Variants in PTPRG observed in about 807,000 individuals in gnomAD.
PTPRG encodes protein tyrosine phosphatase receptor type G.
A neutral mutation model predicts 165.3 loss-of-function variants in PTPRG; 102 were observed. The ratio of observed to expected loss-of-function variants is 0.62; its 90% CI spans 0.53 to 0.73. The LOEUF is 0.73. PTPRG is among the 30% of genes least tolerant of loss of function. PTPRG has a pLI of 0.00. For missense variants in PTPRG, 1,866 were observed against 1,861.4 expected (o/e 1.00, Z -0.05); for synonymous variants, 675 against 669.5 (o/e 1.01, Z -0.13).
chr3:62,275,083 C>G (rs1702189107), intron 23 of PTPRG, among the ~76,000 whole-genome samples: 1 of 152,116 alleles, frequency 6.6e-6, no homozygotes, highest in African/African-American at 2.4e-5. Context: ...GAGAAGAACA[C>G]TGATCTCATA....
chr3:61,729,600 T>C (rs2032407890), intron 1 of PTPRG, among the ~76,000 whole-genome samples: 1 of 152,196 alleles, frequency 6.6e-6, no homozygotes, highest in Non-Finnish European at 1.5e-5. Context: ...ACTTTTACTT[T>C]TTATGAAAAT....
At chr3:62,131,741 C>T (rs929281359) in intron 5 of PTPRG, among the ~76,000 whole-genome samples, 2 of 152,122 alleles carry the variant, frequency 1.3e-5, no homozygotes, top group Admixed American at 6.5e-5. Flanking sequence ...ATACCCACCA[C>T]CCAAGGTCAT....
Position 62,273,707 on chromosome 3 carries a change from A to G in PTPRG, c.3328A>G (p.Ile1110Val). ...GTATTGTACCTCTTAGGAGCAGTAC[A>G]TTTTCATCCATGATGCCTTGTTGGA... The part of the protein sequence containing the change: ...NYLVQTEEQY[I>V]FIHDALLEAI... Residue 1110 changes from isoleucine to valine, a missense_variant, in exon 23 of 30, where the codon ATT (isoleucine) becomes GTT (valine). Around this residue, in one of 3 missense-constraint regions of PTPRG, gnomAD observed 1,452 missense variants for 1,463.0 expected, o/e 0.99. Transcript: ENST00000474889. This position sits in a 1 kb window ranked among gnomAD's most constrained non-coding sequence, Gnocchi z 4.1. 1 of 1,613,640 alleles carries G rather than the reference A, an allele frequency of 6.2e-7. No homozygotes were observed. Among genetic ancestry groups the G allele is most frequent in the Non-Finnish European group, 8.5e-7 (1 of 1,179,668 alleles).
intron 17 of PTPRG, among the ~76,000 whole-genome samples, chr3:62,266,004 A>T (rs1009864397): frequency 6.6e-6 from 1 of 152,022 alleles, no homozygotes; most frequent in Non-Finnish European, 1.5e-5. Flanking sequence ...ATTGTGGCAA[A>T]AAAAGGAGGA....
chr3:61,988,795 G>A (rs1185911092), intron 2 of PTPRG, among the ~76,000 whole-genome samples: 1 of 152,214 alleles, frequency 6.6e-6, no homozygotes, highest in Admixed American at 6.5e-5. Context: ...CTAAGAGCCT[G>A]TAGTCAACGT....
At chr3:62,111,759 T>C (rs188752765) in intron 5 of PTPRG, among the ~76,000 whole-genome samples, 104 of 152,180 alleles carry the variant, frequency 6.8e-4, no homozygotes, top group African/African-American at 2.4e-3. Context: ...TTTTCTAACA[T>C]AGTATTCCAG....
intron 2 of PTPRG, among the ~76,000 whole-genome samples, chr3:61,763,756 G>A (rs1287078021): frequency 6.6e-6 from 1 of 152,120 alleles, no homozygotes; most frequent in Non-Finnish European, 1.5e-5. Context: ...CTTTTGAAGT[G>A]AAAATTTGAT....
At chr3:62,156,989 G>T (rs375719415) in intron 6 of PTPRG, 78 bp from the exon 7 acceptor site, 28 of 1,309,708 alleles carry the variant, frequency 2.1e-5, no homozygotes, top group South Asian at 1.9e-4. Flanking sequence ...CCAGCATGCC[G>T]AGGGTGTTGA....
At chr3:61,926,919 A>C (rs558512681) in intron 2 of PTPRG, among the ~76,000 whole-genome samples, 1 of 151,868 alleles carries the variant, frequency 6.6e-6, no homozygotes, top group South Asian at 2.1e-4. Flanking sequence ...GTTCGGGGGG[A>C]AGAAAAAAAA....
intron 3 of PTPRG, 100 bp from the exon 4 acceptor site, chr3:62,003,249 C>T (rs889164861): frequency 7.4e-7 from 1 of 1,345,750 alleles, no homozygotes; most frequent in Non-Finnish European, 1.0e-6. Flanking sequence ...GGACATAATT[C>T]ATATCATGGT....
intron 4 of PTPRG, among the ~76,000 whole-genome samples, chr3:62,021,086 T>C (rs1191860259): frequency 1.3e-5 from 2 of 152,116 alleles, no homozygotes; most frequent in Admixed American, 6.5e-5. Flanking sequence ...GTTGAACTTG[T>C]TCCCTCATCA....
chr3:61,755,982 C>T (rs2033621464), intron 2 of PTPRG, among the ~76,000 whole-genome samples: 1 of 152,048 alleles, frequency 6.6e-6, no homozygotes, highest in African/African-American at 2.4e-5. Flanking sequence ...GGCTGTATCA[C>T]TGGGGATTTG....
intron 2 of PTPRG, among the ~76,000 whole-genome samples, chr3:61,928,413 GA>G (rs376678801): frequency 6.6e-6 from 1 of 152,130 alleles, no homozygotes; most frequent in African/African-American, 2.4e-5. Flanking sequence ...TATTTTGCCT[GA>G]GTCCATTTTT....
At chr3:62,145,955 T>G (rs1025643574) in intron 6 of PTPRG, among the ~76,000 whole-genome samples, 8 of 152,220 alleles carry the variant, frequency 5.3e-5, no homozygotes, top group Non-Finnish European at 1.2e-4. Context: ...CAAAAGCACT[T>G]AACTCTTGTA....
At chr3:62,107,251 T>C (rs1702504682) in intron 5 of PTPRG, among the ~76,000 whole-genome samples, 1 of 152,254 alleles carries the variant, frequency 6.6e-6, no homozygotes, top group Non-Finnish European at 1.5e-5. Context: ...CAGTGATCTA[T>C]ATGGCAAATC....
chr3:61,691,801 T>G (rs2030228900), intron 1 of PTPRG, among the ~76,000 whole-genome samples: 1 of 152,244 alleles, frequency 6.6e-6, no homozygotes, highest in African/African-American at 2.4e-5. Flanking sequence ...AGTAAAATTT[T>G]AATATCATAA....
At chr3:61,628,357 C>T (rs912848292) in intron 1 of PTPRG, among the ~76,000 whole-genome samples, 2 of 151,836 alleles carry the variant, frequency 1.3e-5, no homozygotes, top group African/African-American at 4.8e-5. Context: ...CACTCTGTTG[C>T]CCAGGCTGGA....
chr3:62,273,125 C>T lies in PTPRG; in HGVS notation c.3318+44C>T, dbSNP rs1202028999. ...CGTCCTCACGACATTCTGGCAAATG[C>T]TGTAACTGAAATTTGTTAAATGATA... On this transcript the variant is annotated intron_variant, in intron 22 of 29. Transcript: ENST00000474889. This position sits in a 1 kb window ranked among gnomAD's most constrained non-coding sequence, Gnocchi z 4.1. The T allele has an allele frequency of 2.0e-5, 31 of 1,549,640 alleles. No homozygotes were observed. The highest frequency in any genetic ancestry group is 4.1e-5 in the African/African-American group (3 of 72,324).
Position 62,003,457 on chromosome 3 carries a change from G to C in PTPRG, c.479G>C (p.Gly160Ala), listed in dbSNP as rs1164323504. 13 of 1,614,044 alleles carry C rather than the reference G, an allele frequency of 8.1e-6. No homozygotes were observed. The highest frequency in any genetic ancestry group is 3.3e-5 in the South Asian group (3 of 91,076). ...FHWGHSNGSA[G>A]SEHSINGRRF... ...TGGGGCCACAGCAATGGCTCAGCGG[G>C]CTCTGAACACAGCATCAATGGCAGG... The change falls in exon 4 of 30, where the codon GGC becomes GCC. Residue 160 changes from glycine (G) to alanine (A), a missense_variant. Gly to Ala is a moderately conservative substitution (Grantham distance 60, BLOSUM62 0). Coordinates refer to ENST00000474889, the MANE Select transcript of PTPRG (RefSeq NM_002841.4).
Sources: allele counts gnomAD v4.1 joint callset (sites outside exome capture counted in the v4.1 genomes callset), GRCh38; gene constraint gnomAD v4.1.1; regional missense constraint gnomAD v4.1.1; non-coding constraint Gnocchi (gnomAD v3.1); transcripts MANE v1.5; gene names NCBI Gene and HGNC (gene_info 2026-07-23, HGNC 2026-07-21).